THAP9: variants seen among roughly 807,000 people sequenced by gnomAD.
The protein encoded by THAP9 is DNA transposase THAP9.
THAP9 carries 20 observed loss-of-function variants against 35.7 expected under a neutral mutation model. That is an observed-to-expected ratio of 0.56 (90% CI 0.39 to 0.81). The LOEUF is 0.81. Ranked by LOEUF, THAP9 falls within the 40% of genes least tolerant of loss-of-function variation. The pLI, the probability that THAP9 is intolerant of heterozygous loss-of-function variation, is 0.00. For synonymous variants in THAP9, 335 were observed against 373.7 expected, an observed-to-expected ratio of 0.90 and a Z score of 1.19; for missense variants, 870 against 1,047.4, an observed-to-expected ratio of 0.83 and a Z score of 2.34.
chr4:82,917,466 G>T lies in THAP9; in HGVS notation c.1254G>T (p.Leu418Phe), dbSNP rs1721076521. 1 of 1,613,752 alleles carries T rather than the reference G, an allele frequency of 6.2e-7. No homozygotes were observed. Among genetic ancestry groups the T allele is most frequent in the South Asian group, 1.1e-5 (1 of 91,086 alleles). ...QIAYFFDSCHLLRLIRNAFQN... is the reference protein window; with the variant it reads ...QIAYFFDSCHFLRLIRNAFQN... ...CATACTTCTTTGACTCTTGCCACTT[G>T]CTAAGATTAATAAGAAATGCATTTC... Residue 418 changes from leucine to phenylalanine, a missense_variant, in exon 5 of 5, where the codon TTG becomes TTT. By Grantham distance (22) the Leu-to-Phe change is conservative. Around this residue, in one of 3 missense-constraint regions of THAP9, gnomAD observed 440 missense variants for 501.2 expected, o/e 0.88. Coordinates refer to ENST00000302236, the MANE Select transcript of THAP9 (RefSeq NM_024672.6).
rs1721064212 is a variant in THAP9, at chr4:82,917,235, T to C, written c.1023T>C (p.Phe341=). ...GHWRTPLGYF[F]VNRASGYLQA... Reference sequence around the variant, plus strand: ...GGAGAACACCTCTTGGTTATTTTTTTGTAAACAGAGCATCTGGATATTTGC... The same window carrying C: ...GGAGAACACCTCTTGGTTATTTTTTCGTAAACAGAGCATCTGGATATTTGC... The change falls in exon 5 of 5, where the codon TTT becomes TTC. Residue 341 remains phenylalanine (F), a synonymous_variant. Coordinates refer to ENST00000302236, the MANE Select transcript of THAP9 (RefSeq NM_024672.6). 6.2e-7 allele frequency: 1 copy of C among 1,614,034 alleles called. No homozygotes were observed. Among genetic ancestry groups the C allele is most frequent in the Non-Finnish European group, 8.5e-7 (1 of 1,180,016 alleles).
chr4:82,908,674 C>A (rs1421994414), intron 4 of THAP9, among the ~76,000 whole-genome samples: 1 of 152,228 alleles, frequency 6.6e-6, no homozygotes, highest in African/African-American at 2.4e-5. Context: ...CTCACTGCAA[C>A]CTTGCCTTCC....
At chr4:82,901,112 C>T (rs1720338446) in intron 1 of THAP9, 1 of 697,226 alleles carries the variant, frequency 1.4e-6, no homozygotes, top group Non-Finnish European at 2.6e-6. Context: ...GCACCGCCTA[C>T]CGCTTTAAGG....
intron 4 of THAP9, chr4:82,910,861 A>G (rs902295537): frequency 5.0e-5 from 15 of 297,274 alleles, no homozygotes; most frequent in South Asian, 1.8e-4. Flanking sequence ...GATGAAGGTC[A>G]TTGATGACCA....
chr4:82,906,722 C>T, intron 3 of THAP9, 95 bp downstream of exon 3: 8 of 1,236,852 alleles, frequency 6.5e-6, no homozygotes, highest in Non-Finnish European at 8.7e-6. Flanking sequence ...TGAAAACATG[C>T]TTTCAGTTGG....
At chr4:82,902,261 G>A (rs975524187) in intron 1 of THAP9, among the ~76,000 whole-genome samples, 1 of 149,600 alleles carries the variant, frequency 6.7e-6, no homozygotes, top group Non-Finnish European at 1.5e-5. Flanking sequence ...CCACCATCCC[G>A]GCTTTTTTTT....
intron 4 of THAP9, among the ~76,000 whole-genome samples, chr4:82,911,148 A>G (rs947783058): frequency 6.6e-6 from 1 of 152,226 alleles, no homozygotes; most frequent in Admixed American, 6.5e-5. Context: ...TGATAATTGC[A>G]GGAGGATGAC....
rs1204014339 is a variant in THAP9, at chr4:82,907,861, C to G, written c.657C>G (p.Leu219=). 4 of 1,611,654 alleles carry G rather than the reference C, an allele frequency of 2.5e-6. No homozygotes were observed. The highest frequency in any genetic ancestry group is 3.4e-6 in the Non-Finnish European group (4 of 1,178,764). Residue 219 remains leucine, a synonymous_variant, in exon 4 of 5, where the codon CTC becomes CTG. Coordinates refer to ENST00000302236, the MANE Select transcript of THAP9 (RefSeq NM_024672.6). The stretch of plus-strand genomic sequence containing the variant: ...AAATGAAACAATTTGCATGTACACT[C>G]TACTTGTGCAGTAGCAAAGTCTATG... ...SAEMKQFACT[L]YLCSSKVYDY...
Position 82,917,703 on chromosome 4 carries a change from C to G in THAP9, c.1491C>G (p.Asp497Glu), listed in dbSNP as rs753401530. Residue 497 changes from aspartate (D) to glutamate (E), a missense_variant, in exon 5 of 5, where the codon GAC becomes GAG. Transcript: ENST00000302236. The part of the protein sequence containing the change: ...ASALEYLLSL[D>E]LPPFQNCIGT... ...CATTAGAATATTTGTTATCCTTAGACCTGCCACCTTTTCAAAACTGTATTG... is the reference window on the plus strand; with the variant it reads ...CATTAGAATATTTGTTATCCTTAGAGCTGCCACCTTTTCAAAACTGTATTG... 1 of 1,613,134 alleles carries G rather than the reference C, an allele frequency of 6.2e-7. No individual in the cohort carries two copies. Among genetic ancestry groups the G allele is most frequent in the South Asian group, 1.1e-5 (1 of 90,972 alleles).
At position 82,900,893 on chromosome 4, in the gene THAP9, G is replaced by A. The variant is rs773264676; in HGVS notation, c.80+11G>A. 4.3e-6 allele frequency: 7 copies of A among 1,613,000 alleles called. No individual in the cohort carries two copies. The highest frequency in any genetic ancestry group is 4.2e-6 in the Non-Finnish European group (5 of 1,179,854). ...CCTCTCCTTCCACCAGTGCGTATGGGAGCAGCCTCGAAGCCTTCGAACTCC... is the reference window on the plus strand; with the variant it reads ...CCTCTCCTTCCACCAGTGCGTATGGAAGCAGCCTCGAAGCCTTCGAACTCC... On this transcript the variant is annotated intron_variant, in intron 1 of 4. Transcript: ENST00000302236.
intron 4 of THAP9, among the ~76,000 whole-genome samples, chr4:82,916,467 G>T (rs1012213985): frequency 4.6e-5 from 7 of 152,138 alleles, no homozygotes; most frequent in African/African-American, 1.4e-4. Context: ...GGAAAGCCAG[G>T]TTTCACATTC....
At position 82,919,090 on chromosome 4, in the gene THAP9, T is replaced by C; in HGVS notation, c.*166T>C. On this transcript the variant is annotated 3_prime_UTR_variant, in exon 5 of 5. Coordinates refer to ENST00000302236, the MANE Select transcript of THAP9 (RefSeq NM_024672.6). ...CATATCACAAAATCTCCTTATACTTTTGGTATGGCTTGCAGCATTTATGAG... is the reference window on the plus strand; with the variant it reads ...CATATCACAAAATCTCCTTATACTTCTGGTATGGCTTGCAGCATTTATGAG... 2 of 576,944 alleles carry C rather than the reference T, an allele frequency of 3.5e-6. No homozygotes were observed. The highest frequency in any genetic ancestry group is 5.8e-6 in the Non-Finnish European group (2 of 345,122). The allele number at this position is 576,944 out of a possible 1,614,324, so 35.7% of individuals were successfully genotyped here. A position where few individuals can be genotyped will look rare whatever the true frequency, so the allele number is the denominator to read the frequency against.
At position 82,917,808 on chromosome 4, in the gene THAP9, A is replaced by G. The variant is rs2126017550; in HGVS notation, c.1596A>G (p.Lys532=). 3 of 1,613,850 alleles carry G rather than the reference A, an allele frequency of 1.9e-6. No individual in the cohort carries two copies. The highest frequency in any genetic ancestry group is 8.5e-7 in the Non-Finnish European group (1 of 1,179,952). The change falls in exon 5 of 5, where the codon AAA becomes AAG. Residue 532 remains lysine, a synonymous_variant. Transcript: ENST00000302236. ...GGAACTGTTATGGAAAGGGACTTAA[A>G]GGGCCTCTGTTGCCTGAAACTTACA... The part of the protein sequence containing the change: ...NSRNCYGKGL[K]GPLLPETYSK...
chr4:82,917,670 A>AGAATATTTCTAAT lies in THAP9; in HGVS notation c.1459_1460insAATATTTCTAATG (p.Ala487GlufsTer4). 6.2e-7 allele frequency: 1 copy of AGAATATTTCTAAT among 1,613,364 alleles called. No homozygotes were observed. The highest frequency in any genetic ancestry group is 8.5e-7 in the Non-Finnish European group (1 of 1,179,568). ...CCACCCAACTCTTTAGTGAGAGTGTAGCCAGTGCATTAGAATATTTGTTAT... is the reference window on the plus strand; with the variant it reads ...CCACCCAACTCTTTAGTGAGAGTGTAGAATATTTCTAATGCCAGTGCATTAGAATATTTGTTAT... On this transcript the variant is annotated stop_gained and frameshift_variant, in exon 5 of 5. Coordinates refer to ENST00000302236, the MANE Select transcript of THAP9 (RefSeq NM_024672.6). LOFTEE classifies it high-confidence loss of function.
At position 82,917,349 on chromosome 4, in the gene THAP9, T is replaced by A. The variant is rs368971737; in HGVS notation, c.1137T>A (p.Ser379Arg). Residue 379 changes from serine (S) to arginine (R), a missense_variant, in exon 5 of 5, where the codon AGT becomes AGA. Coordinates refer to ENST00000302236, the MANE Select transcript of THAP9 (RefSeq NM_024672.6). Reference protein sequence around the residue: ...LAVTSDATAHSVQMAKALGIH... With the variant: ...LAVTSDATAHRVQMAKALGIH... ...TTACATCTGATGCCACAGCACATAG[T>A]GTTCAGATGGCAAAAGCATTGGGGA... 7 of 1,613,290 alleles carry A rather than the reference T, an allele frequency of 4.3e-6. No individual in the cohort carries two copies. The East Asian group carries it at 1.6e-4, about 36-fold the overall frequency.
At chr4:82,901,536 T>C (rs1226571295) in intron 1 of THAP9, among the ~76,000 whole-genome samples, 1 of 151,912 alleles carries the variant, frequency 6.6e-6, no homozygotes, top group African/African-American at 2.4e-5. Context: ...AAGAACTTTA[T>C]GGTTGGAAAG....
At chr4:82,905,779 C>A (rs1051046832) in intron 2 of THAP9, 1 of 436,360 alleles carries the variant, frequency 2.3e-6, no homozygotes, top group Non-Finnish European at 4.6e-6. Flanking sequence ...CTACAATGGT[C>A]CAGGCATTGT....
Position 82,907,839 on chromosome 4 carries a change from T to A in THAP9, c.635T>A (p.Met212Lys). ...WRETDEYSAEMKQFACTLYLC... is the reference protein window; with the variant it reads ...WRETDEYSAEKKQFACTLYLC... ...GAAACAGATGAGTACTCCGCAGAAA[T>A]GAAACAATTTGCATGTACACTCTAC... is the stretch of plus-strand genomic sequence containing the variant. The change falls in exon 4 of 5, where the codon ATG becomes AAG. Residue 212 changes from methionine to lysine, a missense_variant. Coordinates refer to ENST00000302236, the MANE Select transcript of THAP9 (RefSeq NM_024672.6). 1 of 1,610,438 alleles carries A rather than the reference T, an allele frequency of 6.2e-7. No homozygotes were observed. The highest frequency in any genetic ancestry group is 8.5e-7 in the Non-Finnish European group (1 of 1,178,626).
Position 82,918,106 on chromosome 4 carries a change from A to T in THAP9, c.1894A>T (p.Met632Leu). The T allele has an allele frequency of 6.2e-7, 1 of 1,614,190 alleles. No individual in the cohort carries two copies. The highest frequency in any genetic ancestry group is 1.1e-5 in the South Asian group (1 of 91,084). ...VLVTSSSPTC[M>L]AFQKAYYNLE... ...AGTAACAAGTTCTAGCCCTACCTGC[A>T]TGGCATTCCAGAAAGCTTACTATAA... Residue 632 changes from methionine (M) to leucine (L), a missense_variant, in exon 5 of 5, where the codon ATG becomes TTG. Physicochemically the swap from Met to Leu is conservative, Grantham distance 15. This residue lies in a region of THAP9 where 414 missense variants were observed against 500.8 expected (regional missense o/e 0.83). Transcript: ENST00000302236.
Sources: allele counts gnomAD v4.1 joint callset (sites outside exome capture counted in the v4.1 genomes callset), GRCh38; gene constraint gnomAD v4.1.1; regional missense constraint gnomAD v4.1.1; transcripts MANE v1.5; gene names NCBI Gene and HGNC (gene_info 2026-07-23, HGNC 2026-07-21).